The following CDH12 variants were observed in gnomAD, a reference collection of about 807,000 sequenced individuals.
The protein encoded by CDH12 is cadherin-12.
CDH12 carries 41 observed loss-of-function variants against 74.1 expected under a neutral mutation model. That is an observed-to-expected ratio of 0.55 (90% CI 0.43 to 0.72). CDH12 has a LOEUF of 0.72. CDH12 is among the 30% of genes least tolerant of loss of function. The probability of loss-of-function intolerance (pLI) is 0.00; values close to 1 mark genes in which losing one functional copy is unlikely to be tolerated. For synonymous variants in CDH12, 399 were observed against 355.0 expected (o/e 1.12, Z -1.39); for missense variants, 945 against 977.2 (o/e 0.97, Z 0.44).
chr5:22,028,720 C>T (rs1466594407), intron 5 of CDH12, among the ~76,000 whole-genome samples: 2 of 152,138 alleles, frequency 1.3e-5, no homozygotes, highest in African/African-American at 4.8e-5. Context: ...CCATCCCCAT[C>T]AAGCTACCAA....
chr5:22,600,408 T>C (rs989370897), intron 1 of CDH12, among the ~76,000 whole-genome samples: 3 of 152,170 alleles, frequency 2.0e-5, no homozygotes, highest in African/African-American at 7.2e-5. Context: ...TACGTATGTA[T>C]CTCTAGTTTT....
intron 5 of CDH12, among the ~76,000 whole-genome samples, chr5:21,987,898 T>A (rs914784082): frequency 6.6e-6 from 1 of 151,958 alleles, no homozygotes; most frequent in African/African-American, 2.4e-5. Context: ...TTTCTCCCAG[T>A]TGATCTTGTA....
chr5:21,816,306 C>T (rs1191628033), intron 9 of CDH12, among the ~76,000 whole-genome samples: 1 of 151,998 alleles, frequency 6.6e-6, no homozygotes, highest in Non-Finnish European at 1.5e-5. Context: ...AACATTTTCT[C>T]CTCTCTAGCT....
At chr5:22,512,668 T>C (rs983085022) in intron 1 of CDH12, among the ~76,000 whole-genome samples, 1 of 152,160 alleles carries the variant, frequency 6.6e-6, no homozygotes, top group Non-Finnish European at 1.5e-5. Flanking sequence ...CCTACGATAA[T>C]GAAAAGGATT....
intron 1 of CDH12, among the ~76,000 whole-genome samples, chr5:22,650,354 T>C (rs753079842): frequency 6.6e-6 from 1 of 152,068 alleles, no homozygotes; most frequent in Non-Finnish European, 1.5e-5. Flanking sequence ...AAACCATATC[T>C]AGTCTTTGAC....
At chr5:22,259,198 T>A (rs1753427805) in intron 3 of CDH12, among the ~76,000 whole-genome samples, 1 of 152,244 alleles carries the variant, frequency 6.6e-6, no homozygotes, top group East Asian at 1.9e-4. Context: ...TTCACCCAGA[T>A]AGTATGAGAA....
At chr5:22,396,760 T>C (rs1328178914) in intron 3 of CDH12, among the ~76,000 whole-genome samples, 1 of 152,130 alleles carries the variant, frequency 6.6e-6, no homozygotes, top group Non-Finnish European at 1.5e-5. Context: ...AGTTTCAGCA[T>C]TTCAGCAAGT....
rs187008867 is a variant in CDH12, at chr5:22,123,827, T to C, written c.-186-44965A>G. ...TCTTGGTCAGACAAGGTCAACCACATTAGGAAATGGCAGCATTAGAATCTG... is the reference window on the plus strand; with the variant it reads ...TCTTGGTCAGACAAGGTCAACCACACTAGGAAATGGCAGCATTAGAATCTG... On this transcript the variant is annotated intron_variant, in intron 4 of 14. Transcript: ENST00000382254. Among the ~76,000 whole-genome samples the C allele has an allele frequency of 1.6e-3, 238 of 152,288 alleles. 2 individuals carry two copies. Among genetic ancestry groups the C allele is most frequent in the African/African-American group, 5.6e-3 (231 of 41,560 alleles).
At chr5:22,114,899 C>G (rs756267009) in intron 4 of CDH12, among the ~76,000 whole-genome samples, 64 of 152,228 alleles carry the variant, frequency 4.2e-4, no homozygotes, top group Non-Finnish European at 7.8e-4. Context: ...GATTCCCAGA[C>G]AAAACAACAC....
chr5:21,964,388 T>C (rs959702199), intron 6 of CDH12, among the ~76,000 whole-genome samples: 1 of 152,034 alleles, frequency 6.6e-6, no homozygotes, highest in African/African-American at 2.4e-5. Context: ...CCATCCTTCT[T>C]AAAAGTTTGA....
At chr5:22,280,254 C>G (rs1165375407) in intron 3 of CDH12, among the ~76,000 whole-genome samples, 1 of 151,300 alleles carries the variant, frequency 6.6e-6, no homozygotes, top group Non-Finnish European at 1.5e-5. Context: ...TTTGTTTGAG[C>G]CCACAAGAGA....
intron 1 of CDH12, among the ~76,000 whole-genome samples, chr5:22,604,856 A>G (rs1737019712): frequency 6.6e-6 from 1 of 152,116 alleles, no homozygotes; most frequent in African/African-American, 2.4e-5. Context: ...AAACTGAGAA[A>G]TAATGAAATA....
chr5:22,207,016 A>G (rs1458704146), intron 4 of CDH12, among the ~76,000 whole-genome samples: 3 of 151,390 alleles, frequency 2.0e-5, no homozygotes, highest in African/African-American at 7.3e-5. Flanking sequence ...GATCCAGACC[A>G]TCCTGGCTAA....
At chr5:21,848,488 G>A (rs79733735) in intron 7 of CDH12, among the ~76,000 whole-genome samples, 1 of 151,964 alleles carries the variant, frequency 6.6e-6, no homozygotes, top group African/African-American at 2.4e-5. Flanking sequence ...ATTATTTTAT[G>A]TGCAAAGTTA....
intron 1 of CDH12, among the ~76,000 whole-genome samples, chr5:22,527,373 T>C (rs1477663001): frequency 2.0e-5 from 3 of 152,138 alleles, no homozygotes; most frequent in Admixed American, 1.3e-4. Flanking sequence ...TTCATTTAAC[T>C]AAAAACTTTG....
At chr5:21,827,239 T>C (rs1361934319) in intron 8 of CDH12, among the ~76,000 whole-genome samples, 1 of 152,164 alleles carries the variant, frequency 6.6e-6, no homozygotes. Context: ...GGTTGATCCA[T>C]AAGATCTTTT....
chr5:22,524,396 T>C (rs1158298707), intron 1 of CDH12, among the ~76,000 whole-genome samples: 1 of 152,218 alleles, frequency 6.6e-6, no homozygotes, highest in Admixed American at 6.6e-5. Context: ...ATATAATCCC[T>C]TTCCCTTTGG....
At chr5:22,375,450 G>C (rs1161101623) in intron 3 of CDH12, among the ~76,000 whole-genome samples, 1 of 151,972 alleles carries the variant, frequency 6.6e-6, no homozygotes, top group African/African-American at 2.4e-5. Context: ...ATAGACATAT[G>C]GAACTATAAG....
At chr5:21,927,368 T>C (rs2150077460) in intron 6 of CDH12, among the ~76,000 whole-genome samples, 1 of 151,468 alleles carries the variant, frequency 6.6e-6, no homozygotes, top group Non-Finnish European at 1.5e-5. Context: ...GGCAGATCGC[T>C]TGAGCTTGAG....
Sources: gnomAD v4.1 joint callset for allele counts (sites outside exome capture counted in the v4.1 genomes callset) on GRCh38, gnomAD v4.1.1 for gene constraint, MANE v1.5 for transcripts, NCBI Gene and HGNC (gene_info 2026-07-23, HGNC 2026-07-21) for gene names.